RASGEF1C: variants seen among roughly 807,000 people sequenced by gnomAD.
RASGEF1C encodes the protein RasGEF domain family member 1C.
Under a neutral mutation model 58.1 loss-of-function variants are expected in RASGEF1C, and 27 were observed. That is an observed-to-expected ratio of 0.46 (90% CI 0.34 to 0.64). RASGEF1C has a LOEUF of 0.64. RASGEF1C is among the 30% of genes least tolerant of loss of function. The pLI, the probability that RASGEF1C is intolerant of heterozygous loss-of-function variation, is 0.01. For missense variants in RASGEF1C, 502 were observed against 605.1 expected (o/e 0.83, Z 1.79); for synonymous variants, 243 against 246.3 (o/e 0.99, Z 0.13).
intron 10 of RASGEF1C, among the ~76,000 whole-genome samples, chr5:180,117,670 G>A (rs555769093): frequency 5.1e-4 from 78 of 152,232 alleles, no homozygotes; most frequent in Non-Finnish European, 9.0e-4. Flanking sequence ...GATCAGGTCC[G>A]CAGAGGCTCC....
intron 1 of RASGEF1C, among the ~76,000 whole-genome samples, chr5:180,190,508 AT>A (rs373968558): frequency 0.089 from 8,537 of 96,094 alleles, 443 homozygotes; most frequent in African/African-American, 0.13. Flanking sequence ...AAAAAAAAAA[AT>A]AATAATAATA....
chr5:180,195,696 A>G (rs1308011171), intron 1 of RASGEF1C, among the ~76,000 whole-genome samples: 2 of 151,526 alleles, frequency 1.3e-5, no homozygotes, highest in Non-Finnish European at 2.9e-5. Context: ...CGGGAGGCGG[A>G]GCTTGCAGTG....
chr5:180,133,390 G>C (rs773982451), intron 4 of RASGEF1C, among the ~76,000 whole-genome samples: 7 of 152,162 alleles, frequency 4.6e-5, no homozygotes, highest in Non-Finnish European at 8.8e-5. Flanking sequence ...CTGATGGGGA[G>C]CCCACTGCTG....
intron 1 of RASGEF1C, among the ~76,000 whole-genome samples, chr5:180,140,170 G>C (rs1405313767): frequency 6.6e-6 from 1 of 152,224 alleles, no homozygotes; most frequent in Non-Finnish European, 1.5e-5. Context: ...ACTAGCTCTC[G>C]CTGGAGCCAG....
At chr5:180,208,299 G>C (rs1317902481) in intron 1 of RASGEF1C, among the ~76,000 whole-genome samples, 1 of 152,108 alleles carries the variant, frequency 6.6e-6, no homozygotes, top group Non-Finnish European at 1.5e-5. Flanking sequence ...TACGGGCCCG[G>C]AAGAGCTCCA....
At chr5:180,185,400 C>A (rs1326053931) in intron 1 of RASGEF1C, among the ~76,000 whole-genome samples, 1 of 151,960 alleles carries the variant, frequency 6.6e-6, no homozygotes, top group Non-Finnish European at 1.5e-5. Context: ...TCCTGGCCAA[C>A]ATGGTGAAAT....
chr5:180,131,190 C>T (rs1233673278), intron 4 of RASGEF1C, among the ~76,000 whole-genome samples: 1 of 152,186 alleles, frequency 6.6e-6, no homozygotes, highest in Admixed American at 6.5e-5. Flanking sequence ...CTGATCGCTG[C>T]CTCCCTGTTC....
At chr5:180,121,193 G>T in intron 6 of RASGEF1C, 44 bp from the exon 7 acceptor site, 2 of 1,356,138 alleles carry the variant, frequency 1.5e-6, no homozygotes, top group Non-Finnish European at 2.1e-6. Context: ...GAGCCTTTTT[G>T]TCTATCATCT....
At chr5:180,190,314 C>G (rs376571573) in intron 1 of RASGEF1C, among the ~76,000 whole-genome samples, 2 of 151,726 alleles carry the variant, frequency 1.3e-5, no homozygotes, top group Non-Finnish European at 1.5e-5. Flanking sequence ...GGTGAAACCC[C>G]GTCTCTACTA....
chr5:180,136,282 G>A, intron 4 of RASGEF1C, 96 bp downstream of exon 4: 1 of 1,262,000 alleles, frequency 7.9e-7, no homozygotes, highest in Non-Finnish European at 1.1e-6. Context: ...GGTGTGCAGG[G>A]TGGGGAGATG....
Position 180,101,376 on chromosome 5 carries a change from G to C in RASGEF1C, c.*125C>G. 1 of 1,096,028 alleles carries C rather than the reference G, an allele frequency of 9.1e-7. No homozygotes were observed. 67.9% of individuals were successfully genotyped at this position (1,096,028 alleles called of 1,614,324 possible). A position where few individuals can be genotyped will look rare whatever the true frequency, so the allele number is the denominator to read the frequency against. ...TGGGGGGGGGGGGGGCGGGCAGCAGGCCACAGGGTCGGCATTTGCAAAATA... is the reference window on the plus strand; with the variant it reads ...TGGGGGGGGGGGGGGCGGGCAGCAGCCCACAGGGTCGGCATTTGCAAAATA... On this transcript the variant is annotated 3_prime_UTR_variant, in exon 14 of 14. Transcript: ENST00000361132.
At chr5:180,191,180 C>T (rs554472103) in intron 1 of RASGEF1C, among the ~76,000 whole-genome samples, 39 of 152,116 alleles carry the variant, frequency 2.6e-4, no homozygotes, top group Non-Finnish European at 4.9e-4. Context: ...AATTGCCATA[C>T]GCTGCTAGAG....
At chr5:180,190,911 A>G in intron 1 of RASGEF1C, among the ~76,000 whole-genome samples, 1 of 152,248 alleles carries the variant, frequency 6.6e-6, no homozygotes, top group Non-Finnish European at 1.5e-5. Context: ...TGGAAAATTT[A>G]TAGATTACCT....
chr5:180,168,897 G>A lies in RASGEF1C; in HGVS notation c.-6-30839C>T, dbSNP rs907876508. On this transcript the variant is annotated intron_variant, in intron 1 of 13. Transcript: ENST00000361132. This position sits in a 1 kb window ranked among gnomAD's most constrained non-coding sequence, Gnocchi z 6.0. ...GAGTTCACTGTCAGTGCTGATGTCC[G>A]TCCAGGTTCCATGCTGCCCTGAGTG... 3.3e-5 allele frequency among the ~76,000 whole-genome samples: 5 copies of A among 152,228 alleles called. No homozygotes were observed. Among genetic ancestry groups the A allele is most frequent in the East Asian group, 3.8e-4 (2 of 5,200 alleles).
At chr5:180,169,939 G>A (rs1767079715) in intron 1 of RASGEF1C, among the ~76,000 whole-genome samples, 1 of 152,098 alleles carries the variant, frequency 6.6e-6, no homozygotes, top group African/African-American at 2.4e-5. Context: ...CAGGGCTTCT[G>A]CCTGCCCCTC....
At chr5:180,146,714 G>A (rs1766666044) in intron 1 of RASGEF1C, among the ~76,000 whole-genome samples, 4 of 152,060 alleles carry the variant, frequency 2.6e-5, no homozygotes. Flanking sequence ...GCTGAACTTG[G>A]TTTGCTAGTA....
At chr5:180,178,124 G>A (rs1028238947) in intron 1 of RASGEF1C, among the ~76,000 whole-genome samples, 12 of 147,856 alleles carry the variant, frequency 8.1e-5, no homozygotes, top group African/African-American at 3.0e-4. Flanking sequence ...GCACCACCAA[G>A]CCTGGCTAAT....
At chr5:180,152,055 A>C (rs1318248645) in intron 1 of RASGEF1C, among the ~76,000 whole-genome samples, 17 of 149,176 alleles carry the variant, frequency 1.1e-4, no homozygotes, top group South Asian at 6.3e-4. Flanking sequence ...CGATCATTAA[A>C]AAGTCAGGAA....
chr5:180,150,264 C>A (rs1045997535), intron 1 of RASGEF1C, among the ~76,000 whole-genome samples: 19 of 152,190 alleles, frequency 1.2e-4, no homozygotes, highest in African/African-American at 4.6e-4. Context: ...TTGATAGTTC[C>A]ATTTTGTTCA....
Sources: allele counts gnomAD v4.1 joint callset (sites outside exome capture counted in the v4.1 genomes callset), GRCh38; gene constraint gnomAD v4.1.1; non-coding constraint Gnocchi (gnomAD v3.1); transcripts MANE v1.5; gene names NCBI Gene and HGNC (gene_info 2026-07-23, HGNC 2026-07-21).